Variants in DNAH6 observed in about 807,000 individuals in gnomAD.
DNAH6 encodes axonemal beta dynein heavy chain 6.
DNAH6 carries 340 observed loss-of-function variants against 491.4 expected under a neutral mutation model. That is an observed-to-expected ratio of 0.69 (90% CI 0.63 to 0.76). The LOEUF is 0.76. Ranked by LOEUF, DNAH6 falls within the 30% of genes least tolerant of loss-of-function variation. DNAH6 has a pLI of 0.00. For missense variants in DNAH6, 4,443 were observed against 4,972.2 expected (o/e 0.89, Z 3.20); for synonymous variants, 1,603 against 1,686.1 (o/e 0.95, Z 1.21).
At chr2:84,682,619 C>T (rs557647728) in intron 42 of DNAH6, among the ~76,000 whole-genome samples, 2 of 152,192 alleles carry the variant, frequency 1.3e-5, no homozygotes, top group Non-Finnish European at 2.9e-5. Context: ...CTTTTCCCCT[C>T]CACCTTGGCC....
At chr2:84,494,566 T>C in the DNAH6 span, among the ~76,000 whole-genome samples, 1 of 152,060 alleles carries the variant, frequency 6.6e-6, no homozygotes, top group African/African-American at 2.4e-5. Flanking sequence ...GAAGGAAAAT[T>C]AAGAGTAGAA....
chr2:84,792,060 A>T (rs138469835), intron 68 of DNAH6, among the ~76,000 whole-genome samples: 2,614 of 152,282 alleles, frequency 0.017, 32 homozygotes, highest in Non-Finnish European at 0.025. Context: ...AAAAAGAAAG[A>T]TCCTACCATT....
chr2:84,513,068 G>T (rs2104383573), upstream of DNAH6, among the ~76,000 whole-genome samples: 1 of 149,706 alleles, frequency 6.7e-6, no homozygotes, highest in East Asian at 1.9e-4. Context: ...TTTGTATGAG[G>T]TAGATTTTTT....
chr2:84,577,982 T>C (rs1278916232), intron 13 of DNAH6, among the ~76,000 whole-genome samples: 1 of 152,244 alleles, frequency 6.6e-6, no homozygotes, highest in Non-Finnish European at 1.5e-5. Flanking sequence ...TCTTGTTTTG[T>C]ATACAGTTTT....
At chr2:84,574,945 G>C (rs1231647088) in intron 12 of DNAH6, among the ~76,000 whole-genome samples, 1 of 152,152 alleles carries the variant, frequency 6.6e-6, no homozygotes, top group Non-Finnish European at 1.5e-5. Context: ...CTCCCAGGTT[G>C]CTCTTCAGCT....
At chr2:84,778,790 C>A (rs962793943) in intron 64 of DNAH6, among the ~76,000 whole-genome samples, 4 of 152,200 alleles carry the variant, frequency 2.6e-5, no homozygotes, top group African/African-American at 7.2e-5. Context: ...CACCCAGACA[C>A]ACTGTAAACT....
At chr2:84,680,994 G>C (rs1204419306) in intron 41 of DNAH6, among the ~76,000 whole-genome samples, 2 of 152,022 alleles carry the variant, frequency 1.3e-5, no homozygotes, top group African/African-American at 2.4e-5. Context: ...TGAGAGTGGT[G>C]GTCATTCATC....
At chr2:84,620,384 C>G (rs1340321007) in intron 24 of DNAH6, among the ~76,000 whole-genome samples, 1 of 152,180 alleles carries the variant, frequency 6.6e-6, no homozygotes, top group Non-Finnish European at 1.5e-5. Context: ...CTGGCAGCAG[C>G]ATCTCCAGGG....
intron 59 of DNAH6, among the ~76,000 whole-genome samples, chr2:84,720,470 G>A (rs2104922289): frequency 6.6e-6 from 1 of 150,992 alleles, no homozygotes; most frequent in South Asian, 2.1e-4. Flanking sequence ...AGTAGAGACG[G>A]GGTTTCACCG....
In DNAH6 at chr2:84,686,561, A is replaced by G. The variant is rs1694276586; in HGVS notation, c.7137+4A>G. ...CATATTTGGAGATTTCATTAAGGCA[A>G]GTATGTTAGATTGACTTGACCTCAT... On this transcript the variant is annotated splice_donor_region_variant and intron_variant, in intron 44 of 76. Transcript: ENST00000389394. The G allele has an allele frequency of 6.8e-7, 1 of 1,467,766 alleles. No individual in the cohort carries two copies. Among genetic ancestry groups the G allele is most frequent in the Non-Finnish European group, 9.3e-7 (1 of 1,075,492 alleles). The allele number at this position is 1,467,766 out of a possible 1,614,324, so 90.9% of individuals were successfully genotyped here. A position where few individuals can be genotyped will look rare whatever the true frequency, so the allele number is the denominator to read the frequency against.
intron 10 of DNAH6, among the ~76,000 whole-genome samples, chr2:84,555,726 C>A (rs897950884): frequency 6.6e-6 from 1 of 152,180 alleles, no homozygotes; most frequent in Admixed American, 6.5e-5. Flanking sequence ...TTGCTCCTCC[C>A]TCCCTGTCTC....
intron 64 of DNAH6, among the ~76,000 whole-genome samples, chr2:84,779,664 G>A (rs1459853700): frequency 6.6e-6 from 1 of 152,124 alleles, no homozygotes; most frequent in East Asian, 1.9e-4. Context: ...GTAAGGTTTT[G>A]ATCCTATTGT....
intron 62 of DNAH6, among the ~76,000 whole-genome samples, chr2:84,742,450 G>C (rs1672613635): frequency 6.6e-6 from 1 of 152,082 alleles, no homozygotes; most frequent in Admixed American, 6.6e-5. Flanking sequence ...AGACATTTTT[G>C]TTTGCCACAA....
chr2:84,675,434 C>G (rs1302871343), intron 40 of DNAH6, among the ~76,000 whole-genome samples: 1 of 152,018 alleles, frequency 6.6e-6, no homozygotes, highest in Non-Finnish European at 1.5e-5. Context: ...TTCTTCCTAC[C>G]AAAGGAATTG....
At position 84,659,030 on chromosome 2, in the gene DNAH6, A is replaced by G. The variant is rs555666553; in HGVS notation, c.5945A>G (p.Gln1982Arg). 78 of 1,426,908 alleles carry G rather than the reference A, an allele frequency of 5.5e-5. No individual in the cohort carries two copies. The South Asian group carries it at 1.0e-3, about 19-fold the overall frequency. The allele number at this position is 1,426,908 out of a possible 1,614,324, so 88.4% of individuals were successfully genotyped here. A position where few individuals can be genotyped will look rare whatever the true frequency, so the allele number is the denominator to read the frequency against. Residue 1982 changes from glutamine to arginine, a missense_variant, in exon 37 of 77, where the codon CAA (glutamine) becomes CGA (arginine). By Grantham distance (43) the Gln-to-Arg change is conservative. Transcript: ENST00000389394. ...TGTTTCTCTTTATTCTTTCAGGAAC[A>G]AACAAAATTGAACACTATACTATGT... ...GKDGVNLAME[Q>R]TKLNTILCQT...
chr2:84,530,872 G>A (rs1028141715), intron 4 of DNAH6, among the ~76,000 whole-genome samples: 1 of 152,130 alleles, frequency 6.6e-6, no homozygotes, highest in South Asian at 2.1e-4. Flanking sequence ...GCTATTGACT[G>A]TGAACCCTGA....
At chr2:84,663,248 C>T (rs62164305) in intron 37 of DNAH6, among the ~76,000 whole-genome samples, 1,785 of 152,264 alleles carry the variant, frequency 0.012, 16 homozygotes, top group Middle Eastern at 0.044. Context: ...ATGACTTTGA[C>T]GAGTTGAGAG....
intron 31 of DNAH6, among the ~76,000 whole-genome samples, chr2:84,639,410 G>T (rs1689175382): frequency 7.3e-6 from 1 of 136,706 alleles, no homozygotes. Context: ...AGATTCTGTT[G>T]TCAGTAATTT....
rs562011013 is a variant in DNAH6 at position 84,807,111 on chromosome 2, G to A, written c.11612-1304G>A. Among the ~76,000 whole-genome samples, 4 of 152,294 alleles carry A rather than the reference G, an allele frequency of 2.6e-5. No individual in the cohort carries two copies. In the South Asian group the frequency reaches 6.2e-4, roughly 24 times the overall value. ...GCTAAGCAGATCATCTGCTGAGACT[G>A]AAGGGGCAGGAAAACAATTGGCTCA... On this transcript the variant is annotated intron_variant, in intron 71 of 76. Transcript: ENST00000389394.
Sources: gnomAD v4.1 joint callset for allele counts (sites outside exome capture counted in the v4.1 genomes callset) on GRCh38, gnomAD v4.1.1 for gene constraint, MANE v1.5 for transcripts, NCBI Gene and HGNC (gene_info 2026-07-23, HGNC 2026-07-21) for gene names.